The following NLGN1 variants were observed in gnomAD, a reference collection of about 807,000 sequenced individuals.
The protein encoded by NLGN1 is neuroligin-1.
In NLGN1, 12 loss-of-function variants were observed where a neutral mutation model predicts 65.5. The observed-to-expected ratio is 0.18, with a 90% CI of 0.12 to 0.30. NLGN1 has a LOEUF of 0.30. Among genes scored for constraint, NLGN1 ranks in the 10% least tolerant of loss-of-function variants. NLGN1 has a pLI of 1.00. For missense variants in NLGN1, 750 were observed against 1,007.1 expected (o/e 0.74, Z 3.46); for synonymous variants, 350 against 359.5 (o/e 0.97, Z 0.30).
chr3:174,201,634 G>A (rs934866793), intron 4 of NLGN1, among the ~76,000 whole-genome samples: 4 of 137,388 alleles, frequency 2.9e-5, no homozygotes, highest in African/African-American at 1.1e-4. Context: ...GGATCAAGAT[G>A]TCAGAAAATC....
chr3:173,849,776 G>A (rs1726532785), intron 4 of NLGN1, among the ~76,000 whole-genome samples: 1 of 152,050 alleles, frequency 6.6e-6, no homozygotes, highest in South Asian at 2.1e-4. Flanking sequence ...AATTATGACA[G>A]AGCAGATGAC....
At chr3:173,504,810 T>C (rs1015858570) in intron 2 of NLGN1, among the ~76,000 whole-genome samples, 8 of 152,118 alleles carry the variant, frequency 5.3e-5, no homozygotes, top group African/African-American at 1.9e-4. Flanking sequence ...CCTTATCTTT[T>C]CTTCCTACCA....
chr3:173,991,785 A>T (rs1721168645), intron 4 of NLGN1, among the ~76,000 whole-genome samples: 1 of 151,962 alleles, frequency 6.6e-6, no homozygotes, highest in Non-Finnish European at 1.5e-5. Flanking sequence ...AATTATCTGG[A>T]GAACTTGTGT....
intron 4 of NLGN1, among the ~76,000 whole-genome samples, chr3:173,882,744 C>T (rs922577165): frequency 6.6e-6 from 1 of 152,238 alleles, no homozygotes; most frequent in Middle Eastern, 3.2e-3. Context: ...AGCTGTTTCA[C>T]TTACTGATAA....
intron 4 of NLGN1, among the ~76,000 whole-genome samples, chr3:174,029,752 G>T (rs2152470753): frequency 6.6e-6 from 1 of 152,226 alleles, no homozygotes; most frequent in South Asian, 2.1e-4. Flanking sequence ...TCATGGGAGT[G>T]GTTTCCCCCA....
intron 4 of NLGN1, among the ~76,000 whole-genome samples, chr3:174,099,843 T>C (rs1003176012): frequency 2.0e-5 from 3 of 152,128 alleles, no homozygotes; most frequent in African/African-American, 7.2e-5. Context: ...AAAATACCTG[T>C]AGAGTTCATT....
At chr3:173,887,407 A>G (rs1251986107) in intron 4 of NLGN1, among the ~76,000 whole-genome samples, 2 of 152,044 alleles carry the variant, frequency 1.3e-5, no homozygotes, top group Admixed American at 1.3e-4. Flanking sequence ...ATATGAACCT[A>G]TTAGTTTTAG....
intron 4 of NLGN1, among the ~76,000 whole-genome samples, chr3:174,129,195 C>T (rs1363992027): frequency 2.0e-5 from 3 of 151,738 alleles, no homozygotes; most frequent in African/African-American, 7.3e-5. Context: ...AAGTTTTTAT[C>T]CTCTACATTC....
intron 4 of NLGN1, among the ~76,000 whole-genome samples, chr3:173,833,895 T>A (rs1723090085): frequency 6.6e-6 from 1 of 152,204 alleles, no homozygotes; most frequent in Non-Finnish European, 1.5e-5. Context: ...GGCTTCAAGA[T>A]TCTGTGTCTT....
chr3:173,755,949 T>G (rs2150181427), intron 3 of NLGN1, among the ~76,000 whole-genome samples: 1 of 152,264 alleles, frequency 6.6e-6, no homozygotes, highest in African/African-American at 2.4e-5. Flanking sequence ...GGAAGATCAA[T>G]TGTATCATTG....
At chr3:173,859,330 G>A (rs1728625472) in intron 4 of NLGN1, among the ~76,000 whole-genome samples, 3 of 152,042 alleles carry the variant, frequency 2.0e-5, no homozygotes, top group Non-Finnish European at 4.4e-5. Flanking sequence ...TCCATTCAAA[G>A]GAGTTTGCAT....
intron 2 of NLGN1, among the ~76,000 whole-genome samples, chr3:173,595,537 T>A (rs1390357485): frequency 6.6e-6 from 1 of 152,182 alleles, no homozygotes. Flanking sequence ...TCGGTCTTCT[T>A]CTGAGCCCTC....
At chr3:173,649,028 CAGAT>C (rs1364741495) in intron 3 of NLGN1, among the ~76,000 whole-genome samples, 2 of 152,076 alleles carry the variant, frequency 1.3e-5, no homozygotes, top group Non-Finnish European at 2.9e-5. Flanking sequence ...AGCAGATGAA[CAGAT>C]AAATTGTGAA....
At chr3:173,445,715 T>TTC (rs1720143476) in intron 2 of NLGN1, among the ~76,000 whole-genome samples, 1 of 152,232 alleles carries the variant, frequency 6.6e-6, no homozygotes, top group Non-Finnish European at 1.5e-5. Context: ...AGCAGCCTTA[T>TTC]TCTTCATTCT....
At chr3:173,608,940 T>C (rs1240069270) in intron 3 of NLGN1, among the ~76,000 whole-genome samples, 1 of 151,968 alleles carries the variant, frequency 6.6e-6, no homozygotes, top group Non-Finnish European at 1.5e-5. Context: ...TTTGCGCCAA[T>C]CTAATAATAC....
chr3:173,873,020 G>A (rs566143438), intron 4 of NLGN1, among the ~76,000 whole-genome samples: 1 of 152,012 alleles, frequency 6.6e-6, no homozygotes, highest in Non-Finnish European at 1.5e-5. Context: ...CAATGCCCAA[G>A]GTCAATTGGG....
chr3:174,110,687 T>G (rs1283028622), intron 4 of NLGN1, among the ~76,000 whole-genome samples: 1 of 152,038 alleles, frequency 6.6e-6, no homozygotes, highest in African/African-American at 2.4e-5. Context: ...TATAGTCTGT[T>G]AAAATACATA....
chr3:174,161,608 GGAA>G (rs1726527418), intron 4 of NLGN1, among the ~76,000 whole-genome samples: 1 of 151,774 alleles, frequency 6.6e-6, no homozygotes, highest in Non-Finnish European at 1.5e-5. Context: ...TCTATAGCAG[GGAA>G]GAAATCCAAC....
chr3:173,764,703 T>C (rs1411382585), intron 3 of NLGN1, among the ~76,000 whole-genome samples: 2 of 152,158 alleles, frequency 1.3e-5, no homozygotes, highest in African/African-American at 2.4e-5. Context: ...ATTAAATGGG[T>C]AGTAGAATGA....
Sources: gnomAD v4.1 joint callset for allele counts (sites outside exome capture counted in the v4.1 genomes callset) on GRCh38, gnomAD v4.1.1 for gene constraint, MANE v1.5 for transcripts, NCBI Gene and HGNC (gene_info 2026-07-23, HGNC 2026-07-21) for gene names.